GARIN1A: variants seen among roughly 807,000 people sequenced by gnomAD.
GARIN1A encodes the protein Golgi-associated RAB2 interactor protein 1A.
At chr7:128,681,204 A>G in the GARIN1A span, among the ~76,000 whole-genome samples, 4 of 152,186 alleles carry the variant, frequency 2.6e-5, no homozygotes, top group African/African-American at 9.7e-5. Context: ...AGCAGCCTCA[A>G]TTCTGAAATT....
At chr7:128,677,879 G>A in the GARIN1A span, 4 of 537,712 alleles carry the variant, frequency 7.4e-6, no homozygotes, top group African/African-American at 2.7e-5. Context: ...GTAAGTGTCT[G>A]TGTATATATA....
the GARIN1A span, among the ~76,000 whole-genome samples, chr7:128,673,714 C>G: frequency 6.6e-6 from 1 of 152,188 alleles, no homozygotes; most frequent in African/African-American, 2.4e-5. Context: ...TTTATGGCTC[C>G]TGCCGCTCCA....
At chr7:128,671,892 G>GA in the GARIN1A span, among the ~76,000 whole-genome samples, 1 of 151,898 alleles carries the variant, frequency 6.6e-6, no homozygotes, top group Non-Finnish European at 1.5e-5. Context: ...TAGGGAAGAT[G>GA]AACTCCCTTT....
the GARIN1A span, chr7:128,677,936 T>C: frequency 1.2e-6 from 1 of 847,938 alleles, no homozygotes; most frequent in Non-Finnish European, 1.8e-6. Context: ...AATATCATTT[T>C]GATAATTTCT....
the GARIN1A span, among the ~76,000 whole-genome samples, chr7:128,698,759 T>G: frequency 6.6e-6 from 1 of 152,182 alleles, no homozygotes; most frequent in African/African-American, 2.4e-5. Flanking sequence ...AATTTTTGTG[T>G]TTTTGGTAGA....
chr7:128,673,667 G>A, the GARIN1A span, among the ~76,000 whole-genome samples: 40,937 of 151,952 alleles, frequency 0.27, 5,848 homozygotes, highest in East Asian at 0.54. Flanking sequence ...GCAGCGAGCT[G>A]CTCCCTAATG....
the GARIN1A span, among the ~76,000 whole-genome samples, chr7:128,698,681 C>A: frequency 6.6e-6 from 1 of 152,182 alleles, no homozygotes; most frequent in African/African-American, 2.4e-5. Flanking sequence ...CTCACTGCAA[C>A]CTCTTCCTAC....
the GARIN1A span, among the ~76,000 whole-genome samples, chr7:128,689,961 T>C: frequency 6.6e-6 from 1 of 152,062 alleles, no homozygotes; most frequent in Non-Finnish European, 1.5e-5. Context: ...TTTTGTGGAA[T>C]AGAAAAGGGG....
chr7:128,672,554 C>G, the GARIN1A span: 451 of 1,605,092 alleles, frequency 2.8e-4, no homozygotes, highest in Non-Finnish European at 3.7e-4. Flanking sequence ...TATCCAGGTA[C>G]CCTCGTGGAG....
chr7:128,671,939 TC>T, the GARIN1A span, among the ~76,000 whole-genome samples: 1 of 152,032 alleles, frequency 6.6e-6, no homozygotes, highest in Non-Finnish European at 1.5e-5. Flanking sequence ...GGTGAACAAG[TC>T]CCATGGAAGT....
chr7:128,672,359 C>G, the GARIN1A span: 1 of 1,565,608 alleles, frequency 6.4e-7, no homozygotes, highest in Non-Finnish European at 8.7e-7. Flanking sequence ...CGGCGTGGAG[C>G]CCCAGAAATG....
At chr7:128,686,474 G>A in the GARIN1A span, 1 of 152,126 alleles carries the variant, frequency 6.6e-6, no homozygotes, top group East Asian at 1.9e-4. Flanking sequence ...AGGACTTGAA[G>A]CCAGTCTGTC....
At chr7:128,683,261 A>G in the GARIN1A span, 1 of 862,062 alleles carries the variant, frequency 1.2e-6, no homozygotes, top group Non-Finnish European at 1.7e-6. Flanking sequence ...GAGAGGTAAG[A>G]TGGTGTTTCC....
At chr7:128,705,021 G>T in the GARIN1A span, among the ~76,000 whole-genome samples, 1 of 152,154 alleles carries the variant, frequency 6.6e-6, no homozygotes, top group Non-Finnish European at 1.5e-5. Flanking sequence ...CTACAATATG[G>T]AGCTTTCTGT....
the GARIN1A span, among the ~76,000 whole-genome samples, chr7:128,690,216 G>A: frequency 3.5e-4 from 53 of 152,116 alleles, no homozygotes; most frequent in Non-Finnish European, 6.3e-4. Flanking sequence ...CAGCATGCTC[G>A]TTAAGAGTCA....
chr7:128,681,307 G>T, the GARIN1A span, among the ~76,000 whole-genome samples: 3 of 152,230 alleles, frequency 2.0e-5, no homozygotes, highest in South Asian at 6.2e-4. Flanking sequence ...CCTTTCCTAG[G>T]GGGGAACTGG....
At chr7:128,680,787 G>A in the GARIN1A span, among the ~76,000 whole-genome samples, 22 of 151,928 alleles carry the variant, frequency 1.4e-4, no homozygotes, top group African/African-American at 4.1e-4. Flanking sequence ...GGCTGGTCTC[G>A]AACTCCTGAC....
At chr7:128,678,821 G>A in the GARIN1A span, among the ~76,000 whole-genome samples, 3 of 150,646 alleles carry the variant, frequency 2.0e-5, no homozygotes, top group Admixed American at 6.6e-5. Flanking sequence ...AAAAAGATTA[G>A]TATGTTACTG....
the GARIN1A span, chr7:128,683,452 TTTTATTTATTTA>T: frequency 5.1e-3 from 786 of 154,334 alleles, 8 homozygotes; most frequent in African/African-American, 0.013. Flanking sequence ...GACTGGGTAA[TTTTATTTATTTA>T]TTTATTTATT....
Sources: gnomAD v4.1 joint callset for allele counts (sites outside exome capture counted in the v4.1 genomes callset) on GRCh38, gnomAD v4.1.1 for gene constraint, MANE v1.5 for transcripts, NCBI Gene and HGNC (gene_info 2026-07-23, HGNC 2026-07-21) for gene names.